IQSEC1: variants seen among roughly 807,000 people sequenced by gnomAD.
IQSEC1 encodes IQ motif and SEC7 domain-containing protein 1.
IQSEC1 carries 31 observed loss-of-function variants against 91.0 expected under a neutral mutation model. The ratio of observed to expected loss-of-function variants is 0.34; its 90% CI spans 0.26 to 0.46. The LOEUF (loss-of-function observed/expected upper bound fraction) is 0.46. IQSEC1 is among the 20% of genes least tolerant of loss of function. The probability of loss-of-function intolerance (pLI) is 1.00; values close to 1 mark genes in which losing one functional copy is unlikely to be tolerated. For missense variants in IQSEC1, 1,388 were observed against 1,575.6 expected (o/e 0.88, Z 2.02); for synonymous variants, 699 against 662.6 (o/e 1.05, Z -0.84).
intron 1 of IQSEC1, among the ~76,000 whole-genome samples, chr3:12,984,718 T>C (rs549106532): frequency 6.6e-6 from 1 of 151,458 alleles, no homozygotes; most frequent in South Asian, 2.1e-4. Flanking sequence ...CGCTTACAGG[T>C]CCAGAAGTCA....
intron 1 of IQSEC1, among the ~76,000 whole-genome samples, chr3:12,996,972 T>C (rs1702249389): frequency 6.6e-6 from 1 of 152,202 alleles, no homozygotes; most frequent in South Asian, 2.1e-4. Flanking sequence ...GTGCAACCAA[T>C]CGGGAAGGGT....
At chr3:13,144,301 C>T (rs1055359590) in intron 2 of IQSEC1, among the ~76,000 whole-genome samples, 5 of 152,192 alleles carry the variant, frequency 3.3e-5, no homozygotes, top group Admixed American at 1.3e-4. Context: ...CCTAGAAAGC[C>T]GTGTGCTGTG....
intron 2 of IQSEC1, among the ~76,000 whole-genome samples, chr3:13,154,438 C>CACATATGTATATATAT (rs1277879413): frequency 4.8e-5 from 1 of 20,746 alleles, no homozygotes; most frequent in African/African-American, 2.3e-4. Flanking sequence ...AACTTACATG[C>CACATATGTATATATAT]ATATATATAT....
chr3:12,992,527 A>C lies in IQSEC1; in HGVS notation c.24-50662T>G, dbSNP rs1702036773. Among the ~76,000 whole-genome samples, 1 of 152,156 alleles carries C rather than the reference A, an allele frequency of 6.6e-6. No homozygotes were observed. Among genetic ancestry groups the C allele is most frequent in the Non-Finnish European group, 1.5e-5 (1 of 68,008 alleles). ...AGAAAGCTATTCCTGTGTCACCTTA[A>C]TTCAGAATTGTTCAGAGGGGGCTGC... On this transcript the variant is annotated intron_variant, in intron 1 of 13. Transcript: ENST00000613206. The surrounding 1 kb of genome is among the most constrained non-coding windows in gnomAD (Gnocchi z 4.1).
chr3:13,073,239 C>G lies in IQSEC1; in HGVS notation c.-225G>C. ...GGAGGGCCCTGGCACGTAGCGCGCG[C>G]TCACACCGTGCCCAGGAGCGAGCGA... is the stretch of plus-strand genomic sequence containing the variant. On this transcript the variant is annotated 5_prime_UTR_variant, in exon 1 of 14. Coordinates refer to ENST00000613206, the MANE Select transcript of IQSEC1 (RefSeq NM_001134382.3). 3.3e-6 allele frequency: 2 copies of G among 598,988 alleles called. No individual in the cohort carries two copies. Among genetic ancestry groups the G allele is most frequent in the South Asian group, 2.0e-5 (1 of 50,908 alleles). 37.1% of individuals were successfully genotyped at this position (598,988 alleles called of 1,614,324 possible). A position where few individuals can be genotyped will look rare whatever the true frequency, so the allele number is the denominator to read the frequency against.
At chr3:13,040,955 G>A (rs918881631) in intron 1 of IQSEC1, among the ~76,000 whole-genome samples, 6 of 152,134 alleles carry the variant, frequency 3.9e-5, no homozygotes, top group African/African-American at 1.2e-4. Context: ...CCAGGACTCC[G>A]GCGTCTGCAT....
chr3:13,204,926 G>T (rs1330346767), intron 1 of IQSEC1, among the ~76,000 whole-genome samples: 1 of 151,008 alleles, frequency 6.6e-6, no homozygotes, highest in Admixed American at 6.6e-5. Context: ...TCAGCCTCCC[G>T]AGCGGCTGGG....
At chr3:13,272,318 T>A (rs357155) in intron 1 of IQSEC1, among the ~76,000 whole-genome samples, 114,123 of 152,158 alleles carry the variant, frequency 0.75, 43,528 homozygotes, top group East Asian at 0.97. Flanking sequence ...TTGCTATTAT[T>A]GCTCATCAAC....
At chr3:13,177,456 C>A (rs1158639935) in intron 1 of IQSEC1, among the ~76,000 whole-genome samples, 1 of 152,242 alleles carries the variant, frequency 6.6e-6, no homozygotes, top group Non-Finnish European at 1.5e-5. Flanking sequence ...GAATAATTCC[C>A]ACAGTGGGCA....
chr3:12,903,024 T>G (rs573045822), intron 12 of IQSEC1, among the ~76,000 whole-genome samples: 7 of 151,968 alleles, frequency 4.6e-5, no homozygotes, highest in Non-Finnish European at 1.5e-5. Flanking sequence ...CAAGAATGAA[T>G]TTTAAAAATA....
chr3:13,123,737 G>A (rs1016477747), intron 2 of IQSEC1, among the ~76,000 whole-genome samples: 6 of 152,222 alleles, frequency 3.9e-5, no homozygotes, highest in African/African-American at 1.4e-4. Flanking sequence ...ACACTGCAAG[G>A]TGGGAAAGGA....
chr3:13,161,660 C>T (rs1056839630), intron 2 of IQSEC1, among the ~76,000 whole-genome samples: 4 of 152,204 alleles, frequency 2.6e-5, no homozygotes, highest in African/African-American at 9.7e-5. Flanking sequence ...CATGACGAGT[C>T]ACATCTGACC....
chr3:13,252,978 C>T (rs1187735718), intron 1 of IQSEC1, among the ~76,000 whole-genome samples: 2 of 152,160 alleles, frequency 1.3e-5, no homozygotes, highest in African/African-American at 2.4e-5. Context: ...GTGATCCGCC[C>T]GCCTCGGCCT....
At chr3:13,113,646 T>C (rs1020797304) in intron 2 of IQSEC1, among the ~76,000 whole-genome samples, 7 of 152,078 alleles carry the variant, frequency 4.6e-5, no homozygotes, top group African/African-American at 1.7e-4. Flanking sequence ...GCGGTGGGAA[T>C]GTGAGGCAGT....
Position 12,924,238 on chromosome 3 carries a change from A to T in IQSEC1, c.1730+343T>A, listed in dbSNP as rs1387647430. ...CAGCCCTGCCATGAGAAGCTGCAGG[A>T]ACATGGGTCACTGAGGGCTGTGATG... is the stretch of plus-strand genomic sequence containing the variant. On this transcript the variant is annotated intron_variant, in intron 4 of 13. Coordinates refer to ENST00000613206, the MANE Select transcript of IQSEC1 (RefSeq NM_001134382.3). This position sits in a 1 kb window ranked among gnomAD's most constrained non-coding sequence, Gnocchi z 6.3. 6.6e-6 allele frequency among the ~76,000 whole-genome samples: 1 copy of T among 152,188 alleles called. No individual in the cohort carries two copies. Among genetic ancestry groups the T allele is most frequent in the Non-Finnish European group, 1.5e-5 (1 of 68,036 alleles).
chr3:13,249,196 G>C (rs1576310081), intron 1 of IQSEC1, among the ~76,000 whole-genome samples: 1 of 145,208 alleles, frequency 6.9e-6, no homozygotes, highest in South Asian at 2.3e-4. Context: ...TTTTGAGACG[G>C]AGTCTTGCTC....
intron 3 of IQSEC1, among the ~76,000 whole-genome samples, chr3:12,926,321 A>G (rs1697129377): frequency 6.6e-6 from 1 of 151,964 alleles, no homozygotes; most frequent in Admixed American, 6.5e-5. Flanking sequence ...AAAAAAAAAA[A>G]AACAAAAAAG....
intron 2 of IQSEC1, among the ~76,000 whole-genome samples, chr3:13,117,188 T>C (rs1414831455): frequency 7.1e-6 from 1 of 141,636 alleles, no homozygotes; most frequent in African/African-American, 2.6e-5. Context: ...ACAAAAAAGA[T>C]ACACAAATGG....
At chr3:13,147,586 GT>G (rs1279930400) in intron 2 of IQSEC1, among the ~76,000 whole-genome samples, 3 of 152,168 alleles carry the variant, frequency 2.0e-5, no homozygotes, top group Non-Finnish European at 4.4e-5. Flanking sequence ...ACTTAGGTTG[GT>G]TCCACATTTT....
Sources: allele counts gnomAD v4.1 joint callset (sites outside exome capture counted in the v4.1 genomes callset), GRCh38; gene constraint gnomAD v4.1.1; non-coding constraint Gnocchi (gnomAD v3.1); transcripts MANE v1.5; gene names NCBI Gene and HGNC (gene_info 2026-07-23, HGNC 2026-07-21).